MECOM: variants seen among roughly 807,000 people sequenced by gnomAD.
MECOM encodes histone-lysine N-methyltransferase MECOM.
MECOM carries 13 observed loss-of-function variants against 116.3 expected under a neutral mutation model. That is an observed-to-expected ratio of 0.11 (90% confidence interval 0.07 to 0.18). The LOEUF is 0.18. MECOM is among the 10% of genes least tolerant of loss of function. The pLI, the probability that MECOM is intolerant of heterozygous loss-of-function variation, is 1.00. For synonymous variants in MECOM, 528 were observed against 535.2 expected, an observed-to-expected ratio of 0.99 and a Z score of 0.19; for missense variants, 1,299 against 1,509.0, an observed-to-expected ratio of 0.86 and a Z score of 2.31.
chr3:169,423,060 G>A (rs1740033342), intron 1 of MECOM, among the ~76,000 whole-genome samples: 3 of 152,000 alleles, frequency 2.0e-5, no homozygotes. Flanking sequence ...AATTACCTGA[G>A]TTCTTCTTAA....
At chr3:169,298,293 C>T (rs1158312092) in intron 2 of MECOM, among the ~76,000 whole-genome samples, 1 of 151,760 alleles carries the variant, frequency 6.6e-6, no homozygotes, top group African/African-American at 2.4e-5. Context: ...TAAATGTTAT[C>T]AATATGAAGA....
chr3:169,137,781 CAGAG>C, intron 3 of MECOM, among the ~76,000 whole-genome samples: 1 of 152,052 alleles, frequency 6.6e-6, no homozygotes, highest in Non-Finnish European at 1.5e-5. Flanking sequence ...TGAAACAAAA[CAGAG>C]AGAGAATTGT....
chr3:169,116,038 A>C lies in MECOM; in HGVS notation c.1834T>G (p.Phe612Val), dbSNP rs1309343892. 5.0e-6 allele frequency: 8 copies of C among 1,614,054 alleles called. No individual in the cohort carries two copies. Among genetic ancestry groups the C allele is most frequent in the Non-Finnish European group, 6.8e-6 (8 of 1,180,020 alleles). ...TTGAACATTTTACCATTTTCTTTAA[A>C]TTTCTCTTTATCACTTTCAATGTCA... is the stretch of plus-strand genomic sequence containing the variant. ...ESDIESDKEK[F>V]KENGKMFKDK... Residue 612 changes from phenylalanine (F) to valine (V), a missense_variant, in exon 8 of 17, where the codon TTT becomes GTT. Around this residue, in one of 6 missense-constraint regions of MECOM, gnomAD observed 238 missense variants for 273.1 expected, o/e 0.87. Transcript: ENST00000651503.
intron 2 of MECOM, among the ~76,000 whole-genome samples, chr3:169,299,605 G>A (rs16853449): frequency 0.35 from 53,237 of 151,840 alleles, 9,682 homozygotes; most frequent in Admixed American, 0.48. Context: ...CCCTGAACCC[G>A]GAATCTGATC....
At chr3:169,258,477 C>T (rs1349107029) in intron 2 of MECOM, among the ~76,000 whole-genome samples, 1 of 152,096 alleles carries the variant, frequency 6.6e-6, no homozygotes, top group East Asian at 1.9e-4. Context: ...ATTAGTATTT[C>T]TATTACTGTT....
At chr3:169,409,850 C>T (rs79825101) in intron 1 of MECOM, among the ~76,000 whole-genome samples, 1 of 152,182 alleles carries the variant, frequency 6.6e-6, no homozygotes, top group Non-Finnish European at 1.5e-5. Context: ...AATTTTAACA[C>T]TACTGAGAGG....
intron 16 of MECOM, among the ~76,000 whole-genome samples, chr3:169,085,513 T>A (rs545901430): frequency 3.9e-5 from 6 of 152,252 alleles, no homozygotes; most frequent in African/African-American, 1.4e-4. Flanking sequence ...GGTGCTTGAG[T>A]GACTTGCCCA....
intron 9 of MECOM, 52 bp from the exon 10 acceptor site, chr3:169,108,004 T>G: frequency 6.8e-7 from 1 of 1,479,522 alleles, no homozygotes. Context: ...GTTGGTATCT[T>G]TATTGCAATC....
intron 1 of MECOM, among the ~76,000 whole-genome samples, chr3:169,651,331 A>G (rs192990667): frequency 2.6e-5 from 4 of 152,306 alleles, no homozygotes; most frequent in Admixed American, 2.6e-4. Context: ...ACTTGTGTAT[A>G]TTAAACCATC....
intron 2 of MECOM, among the ~76,000 whole-genome samples, chr3:169,290,523 A>G (rs1431984602): frequency 6.6e-6 from 1 of 152,144 alleles, no homozygotes; most frequent in African/African-American, 2.4e-5. Flanking sequence ...CTCCAGACCT[A>G]CATGATTATG....
At chr3:169,567,421 C>T (rs1323086008) in intron 1 of MECOM, among the ~76,000 whole-genome samples, 1 of 152,210 alleles carries the variant, frequency 6.6e-6, no homozygotes, top group Non-Finnish European at 1.5e-5. Context: ...AAAGGTCATG[C>T]ATGAGGTACC....
At position 169,156,886 on chromosome 3, in the gene MECOM, C is replaced by A. The variant is rs151220820; in HGVS notation, c.376-13054G>T. ...CTGAATTAAACCTTTAAGAATTCAC[C>A]TTTTTTCCAGTTTTTGATATTAGAT... On this transcript the variant is annotated intron_variant, in intron 2 of 16. Coordinates refer to ENST00000651503, the MANE Select transcript of MECOM (RefSeq NM_004991.4). Among the ~76,000 whole-genome samples the A allele has an allele frequency of 3.2e-3, 486 of 152,228 alleles. 3 individuals carry two copies. Among genetic ancestry groups the A allele is most frequent in the African/African-American group, 0.011 (461 of 41,532 alleles).
chr3:169,170,694 T>G (rs1744288649), intron 2 of MECOM, among the ~76,000 whole-genome samples: 1 of 152,182 alleles, frequency 6.6e-6, no homozygotes, highest in Admixed American at 6.5e-5. Context: ...ATCCCCACAG[T>G]AATTTACATA....
At chr3:169,391,269 G>A (rs1045651501) in intron 1 of MECOM, among the ~76,000 whole-genome samples, 2 of 152,130 alleles carry the variant, frequency 1.3e-5, no homozygotes, top group Admixed American at 1.3e-4. Flanking sequence ...AATGAGCAAT[G>A]GTCCTTGTTC....
intron 1 of MECOM, among the ~76,000 whole-genome samples, chr3:169,520,383 C>T (rs1273586150): frequency 6.6e-6 from 1 of 152,164 alleles, no homozygotes; most frequent in Non-Finnish European, 1.5e-5. Context: ...CTTGGACTTC[C>T]AGGACAATGT....
chr3:169,511,783 CA>C (rs1371646185), intron 1 of MECOM, among the ~76,000 whole-genome samples: 4 of 151,060 alleles, frequency 2.6e-5, no homozygotes, highest in Non-Finnish European at 4.4e-5. Flanking sequence ...AAAAAAAGCA[CA>C]AAAAAAAATT....
intron 10 of MECOM, among the ~76,000 whole-genome samples, chr3:169,103,760 C>T (rs1206154523): frequency 6.6e-6 from 1 of 152,190 alleles, no homozygotes; most frequent in Non-Finnish European, 1.5e-5. Context: ...AGAATACCAT[C>T]AGCTTCTTAA....
chr3:169,235,670 T>C (rs1220914273), intron 2 of MECOM, among the ~76,000 whole-genome samples: 11 of 152,170 alleles, frequency 7.2e-5, no homozygotes, highest in Admixed American at 7.2e-4. Context: ...AAATTAGAAC[T>C]ACAGACTTCC....
At chr3:169,087,470 G>A (rs1444095400) in intron 16 of MECOM, among the ~76,000 whole-genome samples, 2 of 151,866 alleles carry the variant, frequency 1.3e-5, no homozygotes, top group Non-Finnish European at 2.9e-5. Flanking sequence ...AGTGGTGAGT[G>A]TCAATAGTCC....
Sources: allele counts gnomAD v4.1 joint callset (sites outside exome capture counted in the v4.1 genomes callset), GRCh38; gene constraint gnomAD v4.1.1; regional missense constraint gnomAD v4.1.1; transcripts MANE v1.5; gene names NCBI Gene and HGNC (gene_info 2026-07-23, HGNC 2026-07-21).